Variants in SPATA9 observed in about 807,000 individuals in gnomAD.
The protein encoded by SPATA9 is spermatogenesis associated 9.
A neutral mutation model predicts 25.5 loss-of-function variants in SPATA9; 27 were observed. The ratio of observed to expected loss-of-function variants is 1.06; its 90% CI spans 0.78 to 1.46. SPATA9 has a LOEUF of 1.46. Among genes scored for constraint, SPATA9 ranks in the 40% most tolerant of loss-of-function variants. SPATA9 has a pLI of 0.00. For missense variants in SPATA9, 282 were observed against 297.5 expected, an observed-to-expected ratio of 0.95 and a Z score of 0.38; for synonymous variants, 102 against 105.7, an observed-to-expected ratio of 0.97 and a Z score of 0.21.
At chr5:95,691,189 C>T (rs1262752091) in intron 1 of SPATA9, among the ~76,000 whole-genome samples, 4 of 147,046 alleles carry the variant, frequency 2.7e-5, no homozygotes, top group Non-Finnish European at 5.9e-5. Flanking sequence ...GCACTCCAGC[C>T]TGGGCGACAG....
chr5:95,684,811 A>G (rs537676121), upstream of SPATA9: 12 of 152,328 alleles, frequency 7.9e-5, no homozygotes, highest in African/African-American at 2.2e-4. Context: ...ATTCTTCATT[A>G]TGTTATTCTT....
downstream of SPATA9, chr5:95,656,444 T>C (rs937711034): frequency 1.7e-5 from 11 of 645,774 alleles, no homozygotes; most frequent in Non-Finnish European, 2.9e-5. Flanking sequence ...TTTGAGAGGT[T>C]TAAGAGCACA....
intron 1 of SPATA9, among the ~76,000 whole-genome samples, chr5:95,697,663 C>T (rs1754057750): frequency 6.6e-6 from 1 of 152,208 alleles, no homozygotes; most frequent in Admixed American, 6.5e-5. Context: ...AATTGTCAAG[C>T]TCATCATTGT....
downstream of SPATA9, chr5:95,653,315 A>G: frequency 6.7e-7 from 1 of 1,485,984 alleles, no homozygotes; most frequent in Non-Finnish European, 9.0e-7. Flanking sequence ...GGCAAAACCA[A>G]GTGGACCACC....
rs1339190226 is a variant in SPATA9, at chr5:95,658,782, C to T, written c.606G>A (p.Met202Ile). Reference protein sequence around the residue: ...AFSEPVLSEPMFAEGEIKAKP... With the variant: ...AFSEPVLSEPIFAEGEIKAKP... ...TTGCTTTGATTTCACCTTCAGCAAA[C>T]ATAGGCTCCGAAAGCACAGGCTCAG... The change falls in exon 5 of 5, where the codon ATG (methionine) becomes ATA (isoleucine). Residue 202 changes from methionine (M) to isoleucine (I), a missense_variant. Coordinates refer to ENST00000274432, the MANE Select transcript of SPATA9 (RefSeq NM_031952.4). The T allele has an allele frequency of 1.2e-6, 2 of 1,613,916 alleles. No homozygotes were observed. The highest frequency in any genetic ancestry group is 3.3e-5 in the Admixed American group (2 of 59,994).
the SPATA9 span, among the ~76,000 whole-genome samples, chr5:95,707,365 C>T: frequency 0.051 from 7,798 of 151,962 alleles, 664 homozygotes; most frequent in African/African-American, 0.17. Context: ...TAGAAAAATG[C>T]CACACTGAGA....
At chr5:95,683,147 T>C (rs1267767447), upstream of SPATA9, 3 of 508,046 alleles carry the variant, frequency 5.9e-6, no homozygotes, top group African/African-American at 4.0e-5. Flanking sequence ...AGTTCTATGA[T>C]ATAAGTTGAA....
chr5:95,708,311 A>G, the SPATA9 span, among the ~76,000 whole-genome samples: 2,183 of 150,454 alleles, frequency 0.015, 48 homozygotes, highest in African/African-American at 0.049. Context: ...TGAGACCAGG[A>G]TTTTTTTTTT....
intron 1 of SPATA9, among the ~76,000 whole-genome samples, chr5:95,698,394 C>T (rs994185138): frequency 2.0e-5 from 3 of 152,180 alleles, no homozygotes; most frequent in Non-Finnish European, 4.4e-5. Context: ...ATTCTCACAG[C>T]AGGCTCCATC....
downstream of SPATA9, chr5:95,656,077 C>A (rs141135045): frequency 6.2e-7 from 1 of 1,613,506 alleles, no homozygotes; most frequent in African/African-American, 1.3e-5. Context: ...ATAGTTTGCC[C>A]CTGGCATAAA....
intron 2 of SPATA9, among the ~76,000 whole-genome samples, chr5:95,681,199 CCA>C: frequency 6.6e-6 from 1 of 152,190 alleles, no homozygotes; most frequent in Admixed American, 6.5e-5. Context: ...AAGGGAAAGT[CCA>C]GTCTTTTTCA....
chr5:95,663,002 G>A (rs1028442276), intron 4 of SPATA9, among the ~76,000 whole-genome samples: 3 of 152,262 alleles, frequency 2.0e-5, no homozygotes, highest in African/African-American at 7.2e-5. Context: ...AAAACTCTTT[G>A]GCAATATCTA....
the SPATA9 span, among the ~76,000 whole-genome samples, chr5:95,711,190 G>A: frequency 6.6e-6 from 1 of 152,090 alleles, no homozygotes; most frequent in Non-Finnish European, 1.5e-5. Context: ...GAGGAATTTG[G>A]GTCCCAGTTA....
chr5:95,719,722 T>C, the SPATA9 span: 1 of 152,248 alleles, frequency 6.6e-6, no homozygotes, highest in Non-Finnish European at 1.5e-5. Flanking sequence ...ATGATCCTTG[T>C]AGTTAATGCC....
the SPATA9 span, chr5:95,731,693 G>A: frequency 5.0e-6 from 8 of 1,613,182 alleles, no homozygotes; most frequent in African/African-American, 1.1e-4. Context: ...ATGTACGTAC[G>A]CGCCGCCGTC....
chr5:95,713,918 A>G, the SPATA9 span, among the ~76,000 whole-genome samples: 1 of 151,760 alleles, frequency 6.6e-6, no homozygotes, highest in African/African-American at 2.4e-5. Context: ...ACATGTGCAT[A>G]TATATATATA....
intron 3 of SPATA9, among the ~76,000 whole-genome samples, chr5:95,673,651 ATTAGG>A (rs1243120244): frequency 1.3e-5 from 2 of 152,222 alleles, no homozygotes; most frequent in Admixed American, 6.5e-5. Context: ...AAGTCAAAAC[ATTAGG>A]TTTAGAAAGA....
At chr5:95,680,572 T>C (rs1284055493) in intron 2 of SPATA9, among the ~76,000 whole-genome samples, 1 of 152,184 alleles carries the variant, frequency 6.6e-6, no homozygotes, top group Non-Finnish European at 1.5e-5. Flanking sequence ...CTTTAAACAA[T>C]GGCATTGTCG....
the SPATA9 span, among the ~76,000 whole-genome samples, chr5:95,727,730 G>A: frequency 1.3e-5 from 2 of 152,164 alleles, no homozygotes; most frequent in Non-Finnish European, 1.5e-5. Context: ...CTTTAAAAAA[G>A]TGGTCATAAG....
Sources: gnomAD v4.1 joint callset for allele counts (sites outside exome capture counted in the v4.1 genomes callset) on GRCh38, gnomAD v4.1.1 for gene constraint, MANE v1.5 for transcripts, NCBI Gene and HGNC (gene_info 2026-07-23, HGNC 2026-07-21) for gene names.